Variants in PPP1R12A observed in about 807,000 individuals in gnomAD.
PPP1R12A encodes the protein protein phosphatase 1 regulatory subunit 12A.
PPP1R12A carries 19 observed loss-of-function variants against 139.6 expected under a neutral mutation model. The observed-to-expected ratio is 0.14, with a 90% CI of 0.09 to 0.20. The LOEUF is 0.20. Among genes scored for constraint, PPP1R12A ranks in the 10% least tolerant of loss-of-function variants. The pLI is 1.00. For synonymous variants in PPP1R12A, 427 were observed against 420.6 expected, an observed-to-expected ratio of 1.02 and a Z score of -0.19; for missense variants, 925 against 1,211.5, an observed-to-expected ratio of 0.76 and a Z score of 3.51.
Position 79,840,433 on chromosome 12 carries a change from T to G in PPP1R12A, c.487+4869A>C, listed in dbSNP as rs144501180. The stretch of plus-strand genomic sequence containing the variant: ...TTCTCCTAGATTTACTTTTCACATC[T>G]TTACATATCCTAAGTTCTAACAATG... On this transcript the variant is annotated intron_variant, in intron 3 of 24. Transcript: ENST00000450142. Among the ~76,000 whole-genome samples the G allele has an allele frequency of 1.4e-3, 216 of 152,270 alleles. 2 individuals carry two copies. Among genetic ancestry groups the G allele is most frequent in the African/African-American group, 4.9e-3 (203 of 41,550 alleles).
intron 2 of PPP1R12A, among the ~76,000 whole-genome samples, chr12:79,867,745 A>C (rs1014065472): frequency 3.9e-5 from 6 of 152,142 alleles, no homozygotes; most frequent in Non-Finnish European, 8.8e-5. Context: ...AGAGGGAGGT[A>C]ATTGAATCCT....
At chr12:79,914,696 T>G (rs1886852263) in intron 1 of PPP1R12A, among the ~76,000 whole-genome samples, 1 of 152,042 alleles carries the variant, frequency 6.6e-6, no homozygotes, top group South Asian at 2.1e-4. Context: ...GTATGATACA[T>G]GAATAACCTG....
chr12:79,870,021 A>G (rs1186287033), intron 2 of PPP1R12A, among the ~76,000 whole-genome samples: 1 of 151,896 alleles, frequency 6.6e-6, no homozygotes, highest in African/African-American at 2.4e-5. Flanking sequence ...TTATTTTTCT[A>G]TACCCAAGAA....
intron 22 of PPP1R12A, among the ~76,000 whole-genome samples, chr12:79,784,365 G>T (rs1409802804): frequency 6.6e-6 from 1 of 152,176 alleles, no homozygotes; most frequent in Non-Finnish European, 1.5e-5. Flanking sequence ...TCTCTTGCCA[G>T]GTAACAGAAA....
At chr12:79,838,717 TG>T (rs1174129939) in intron 3 of PPP1R12A, among the ~76,000 whole-genome samples, 3 of 152,202 alleles carry the variant, frequency 2.0e-5, no homozygotes, top group Admixed American at 2.0e-4. Context: ...GTTGGGACTA[TG>T]GGTGTGCAGA....
chr12:79,807,491 TTA>T (rs34190005), intron 11 of PPP1R12A, among the ~76,000 whole-genome samples, 161 bp from the exon 12 acceptor site: 121,260 of 151,710 alleles, frequency 0.8, 50,381 homozygotes, highest in Non-Finnish European at 0.92. Context: ...AGTACTAAGA[TTA>T]TATACCCTAA....
chr12:79,812,391 CGTGTGTGTGTGTGT>C (rs1156924649), intron 9 of PPP1R12A, among the ~76,000 whole-genome samples: 1 of 134,510 alleles, frequency 7.4e-6, no homozygotes, highest in African/African-American at 2.9e-5. Flanking sequence ...TCTGTGTGTG[CGTGTGTGTGTGTGT>C]GTGTGTGTGT....
At chr12:79,839,540 T>C (rs572080122) in intron 3 of PPP1R12A, among the ~76,000 whole-genome samples, 1 of 152,286 alleles carries the variant, frequency 6.6e-6, no homozygotes, top group East Asian at 1.9e-4. Flanking sequence ...CCACAAGTCG[T>C]GGGAGGGACT....
At chr12:79,866,559 T>G (rs1200144996) in intron 2 of PPP1R12A, among the ~76,000 whole-genome samples, 1 of 152,212 alleles carries the variant, frequency 6.6e-6, no homozygotes, top group Non-Finnish European at 1.5e-5. Context: ...GAGAAAATTT[T>G]TGCAATCTAT....
intron 5 of PPP1R12A, among the ~76,000 whole-genome samples, chr12:79,824,737 GATAGAGT>G (rs933344482): frequency 6.6e-6 from 1 of 152,076 alleles, no homozygotes; most frequent in Non-Finnish European, 1.5e-5. Context: ...ATGCTTCATT[GATAGAGT>G]ATAAACACAT....
At chr12:79,777,330 G>A in intron 24 of PPP1R12A, 3 of 981,082 alleles carry the variant, frequency 3.1e-6, no homozygotes, top group Non-Finnish European at 3.6e-6. Context: ...TAATTTTAAT[G>A]TAGCTCATCA....
At chr12:79,796,537 G>A (rs761251449) in intron 17 of PPP1R12A, among the ~76,000 whole-genome samples, 20 of 152,092 alleles carry the variant, frequency 1.3e-4, no homozygotes, top group Admixed American at 7.9e-4. Context: ...TTAACTTTTC[G>A]TTGTAGGTGG....
At chr12:79,820,704 T>G (rs914733785) in intron 8 of PPP1R12A, 70 bp downstream of exon 8, 1 of 1,528,242 alleles carries the variant, frequency 6.5e-7, no homozygotes. Context: ...ATTTAAAAAT[T>G]ACGTCTCATC....
In PPP1R12A at chr12:79,781,765, AC is replaced by A. The variant is rs1209571022; in HGVS notation, c.2955+49del. 2.7e-6 allele frequency: 3 copies of A among 1,130,584 alleles called. No individual in the cohort carries two copies. The African/African-American group carries it at 4.7e-5, about 18-fold the overall frequency. 70.0% of individuals were successfully genotyped at this position (1,130,584 alleles called of 1,614,324 possible). ...AAAAACAAAAAACCTACCATTGTTT[AC>A]CTAAAACAAGAAAGAAAAAAATAAT... On this transcript the variant is annotated intron_variant, in intron 23 of 24. Transcript: ENST00000450142.
chr12:79,838,467 G>A (rs2137179368), intron 3 of PPP1R12A, among the ~76,000 whole-genome samples: 1 of 152,202 alleles, frequency 6.6e-6, no homozygotes, highest in East Asian at 1.9e-4. Flanking sequence ...AGACAAAGGG[G>A]AAAAGGTCCC....
chr12:79,821,916 G>A (rs888787167), intron 6 of PPP1R12A, among the ~76,000 whole-genome samples, 200 bp downstream of exon 6: 6 of 152,000 alleles, frequency 3.9e-5, no homozygotes, highest in East Asian at 1.9e-4. Flanking sequence ...TTTTGAGAAG[G>A]GGAGGAAATA....
intron 9 of PPP1R12A, among the ~76,000 whole-genome samples, chr12:79,814,640 ACCC>A (rs1875078706): frequency 6.7e-6 from 1 of 149,762 alleles, no homozygotes; most frequent in African/African-American, 2.5e-5. Context: ...ACATGATGAA[ACCC>A]CGTCTCTACT....
At chr12:79,790,100 A>G (rs1166802559) in intron 20 of PPP1R12A, among the ~76,000 whole-genome samples, 2 of 152,042 alleles carry the variant, frequency 1.3e-5, no homozygotes, top group Non-Finnish European at 2.9e-5. Context: ...AAGTGTCTTC[A>G]CTGGTTCTCT....
intron 22 of PPP1R12A, chr12:79,782,263 C>T (rs1420948639): frequency 5.6e-6 from 1 of 177,728 alleles, no homozygotes; most frequent in Admixed American, 5.9e-5. Context: ...GAAATATATT[C>T]ATCAGCAGGT....
Sources: gnomAD v4.1 joint callset for allele counts (sites outside exome capture counted in the v4.1 genomes callset) on GRCh38, gnomAD v4.1.1 for gene constraint, MANE v1.5 for transcripts, NCBI Gene and HGNC (gene_info 2026-07-23, HGNC 2026-07-21) for gene names.